ABCG1: variants seen among roughly 807,000 people sequenced by gnomAD.
The protein encoded by ABCG1 is ATP-binding cassette sub-family G member 1.
ABCG1 carries 29 observed loss-of-function variants against 69.2 expected under a neutral mutation model. The ratio of observed to expected loss-of-function variants is 0.42; its 90% CI spans 0.31 to 0.57. The LOEUF (loss-of-function observed/expected upper bound fraction) is 0.57, where lower values mean the gene tolerates loss of function less well. ABCG1 is among the 20% of genes least tolerant of loss of function. The pLI, the probability that ABCG1 is intolerant of heterozygous loss-of-function variation, is 0.15. For synonymous variants in ABCG1, 370 were observed against 374.8 expected (o/e 0.99, Z 0.15); for missense variants, 718 against 898.1 (o/e 0.80, Z 2.56).
chr21:42,265,597 G>A (rs2068489589), intron 2 of ABCG1, among the ~76,000 whole-genome samples: 1 of 152,192 alleles, frequency 6.6e-6, no homozygotes, highest in African/African-American at 2.4e-5. Context: ...CACGTTCAGG[G>A]GGAGCACGGC....
intron 2 of ABCG1, among the ~76,000 whole-genome samples, chr21:42,257,044 C>T (rs1482450695): frequency 1.3e-5 from 2 of 152,226 alleles, no homozygotes; most frequent in Non-Finnish European, 2.9e-5. Flanking sequence ...TGAGGCATTT[C>T]GAACACATTC....
chr21:42,260,305 C>A (rs9974993), intron 2 of ABCG1, among the ~76,000 whole-genome samples: 2,285 of 152,322 alleles, frequency 0.015, 31 homozygotes, highest in Middle Eastern at 0.034. Flanking sequence ...GGCCAGGGCT[C>A]CTCTCGAGGG....
At chr21:42,254,254 T>C (rs2068267349) in intron 2 of ABCG1, among the ~76,000 whole-genome samples, 1 of 152,234 alleles carries the variant, frequency 6.6e-6, no homozygotes, top group Non-Finnish European at 1.5e-5. Context: ...CAGCTTTGCC[T>C]GTCATCCAGT....
rs2068719402 is a variant in ABCG1 at position 42,276,783 on chromosome 21, GTGGCTAGCTGCATCT to G, written c.538-99_538-85del. Reference sequence around the variant, plus strand: ...TAGCTGCACCGTGGCTAGTGGCACTGTGGCTAGCTGCATCTTGGCTAGCTGCACCGTGGCCTGCAG... The same window carrying G: ...TAGCTGCACCGTGGCTAGTGGCACTGTGGCTAGCTGCACCGTGGCCTGCAG... On this transcript the variant is annotated intron_variant, in intron 4 of 14. Transcript: ENST00000398449. The surrounding 1 kb of genome is among the most constrained non-coding windows in gnomAD (Gnocchi z 5.3). 6.4e-6 allele frequency: 7 copies of G among 1,098,048 alleles called. No individual in the cohort carries two copies. The highest frequency in any genetic ancestry group is 2.9e-4 in the Middle Eastern group (1 of 3,462). 68.0% of individuals were successfully genotyped at this position (1,098,048 alleles called of 1,614,324 possible).
At chr21:42,243,796 A>G (rs1384833433) in intron 2 of ABCG1, among the ~76,000 whole-genome samples, 1 of 149,556 alleles carries the variant, frequency 6.7e-6, no homozygotes, top group African/African-American at 2.5e-5. Context: ...CTCTTCTGTA[A>G]GCCCTCTTTA....
intron 2 of ABCG1, among the ~76,000 whole-genome samples, chr21:42,254,300 G>A (rs2068268190): frequency 1.3e-5 from 2 of 152,166 alleles, no homozygotes; most frequent in Admixed American, 1.3e-4. Flanking sequence ...GAAATCCAGC[G>A]GCAGATTTTC....
At chr21:42,268,358 TA>T (rs777615565) in intron 2 of ABCG1, among the ~76,000 whole-genome samples, 7 of 122,762 alleles carry the variant, frequency 5.7e-5, no homozygotes, top group Non-Finnish European at 8.7e-5. Flanking sequence ...TAAATAGAGG[TA>T]GGGGTGTGTG....
At position 42,287,926 on chromosome 21, in the gene ABCG1, C is replaced by G; in HGVS notation, c.1011C>G (p.Asn337Lys). Reference protein sequence around the residue: ...EVASGEYGDQNSRLVRAVREG... With the variant: ...EVASGEYGDQKSRLVRAVREG... ...CATCCGGCGAGTACGGTGATCAGAA[C>G]AGTCGGCTGGTGAGAGCGGTTCGGG... The change falls in exon 9 of 15, where the codon AAC becomes AAG. Residue 337 changes from asparagine (N) to lysine (K), a missense_variant. Asn to Lys is a moderately conservative substitution (Grantham distance 94, BLOSUM62 0). Coordinates refer to ENST00000398449, the MANE Select transcript of ABCG1 (RefSeq NM_016818.3). The surrounding 1 kb of genome is among the most constrained non-coding windows in gnomAD (Gnocchi z 6.2). 6.2e-7 allele frequency: 1 copy of G among 1,610,838 alleles called. No homozygotes were observed. Among genetic ancestry groups the G allele is most frequent in the Non-Finnish European group, 8.5e-7 (1 of 1,177,950 alleles).
In ABCG1 at chr21:42,276,611, T is replaced by TGGCTAGC; in HGVS notation, c.538-281_538-280insTAGCGGC. 2.4e-6 allele frequency: 1 copy of TGGCTAGC among 420,022 alleles called. No individual in the cohort carries two copies. The highest frequency in any genetic ancestry group is 4.3e-6 in the Non-Finnish European group (1 of 232,332). The allele number at this position is 420,022 out of a possible 1,614,324, so 26.0% of individuals were successfully genotyped here. ...GATCAGCTAGCTGCACGGTGGCTAG[T>TGGCTAGC]GGCACCGTGGCTAGCTGCATGGTGG... On this transcript the variant is annotated intron_variant, in intron 4 of 14. Transcript: ENST00000398449. This position sits in a 1 kb window ranked among gnomAD's most constrained non-coding sequence, Gnocchi z 5.3.
upstream of ABCG1, among the ~76,000 whole-genome samples, chr21:42,216,981 G>A (rs1569203302): frequency 6.6e-6 from 1 of 152,170 alleles, no homozygotes; most frequent in Non-Finnish European, 1.5e-5. Flanking sequence ...TCCTGCAACA[G>A]AAAATCCAGC....
At chr21:42,220,391 C>T (rs1374119813) in intron 1 of ABCG1, among the ~76,000 whole-genome samples, 5 of 151,944 alleles carry the variant, frequency 3.3e-5, no homozygotes, top group African/African-American at 1.2e-4. Flanking sequence ...AGGATTTGAC[C>T]GACAGTTACC....
At position 42,294,618 on chromosome 21, in the gene ABCG1, T is replaced by A. The variant is rs2069167636; in HGVS notation, c.1730T>A (p.Ile577Asn). The change falls in exon 14 of 15, where the codon ATC becomes AAC. Residue 577 changes from isoleucine to asparagine, a missense_variant. By Grantham distance (149) the Ile-to-Asn change is moderately radical. Coordinates refer to ENST00000398449, the MANE Select transcript of ABCG1 (RefSeq NM_016818.3). ...GGGTTCTTCGTCAGCTTCGACACCA[T>A]CCCCACGTACCTACAGTGGATGTCC... is the stretch of plus-strand genomic sequence containing the variant. ...FSGFFVSFDT[I>N]PTYLQWMSYI... The A allele has an allele frequency of 1.9e-6, 3 of 1,613,930 alleles. No homozygotes were observed. Among genetic ancestry groups the A allele is most frequent in the Non-Finnish European group, 2.5e-6 (3 of 1,179,978 alleles).
Position 42,223,030 on chromosome 21 carries a change from A to G in ABCG1, c.43-2641A>G, listed in dbSNP as rs116893475. Among the ~76,000 whole-genome samples the G allele has an allele frequency of 8.0e-4, 122 of 152,204 alleles. 2 individuals carry two copies. Among genetic ancestry groups the G allele is most frequent in the Non-Finnish European group, 1.5e-3 (103 of 67,994 alleles). ...GTTATTCCCTCGGGGCTCCCCAAAG[A>G]TCTCTAGATAAAATGCAAAACCCGT... On this transcript the variant is annotated intron_variant, in intron 1 of 14. Coordinates refer to ENST00000398449, the MANE Select transcript of ABCG1 (RefSeq NM_016818.3).
chr21:42,231,417 A>C (rs2067899264), intron 2 of ABCG1, among the ~76,000 whole-genome samples: 1 of 152,178 alleles, frequency 6.6e-6, no homozygotes, highest in Non-Finnish European at 1.5e-5. Context: ...CTTGCCAAAA[A>C]CCAGGAAGGG....
At chr21:42,265,233 A>C (rs2068482596) in intron 2 of ABCG1, among the ~76,000 whole-genome samples, 1 of 152,226 alleles carries the variant, frequency 6.6e-6, no homozygotes, top group South Asian at 2.1e-4. Context: ...CATCCAGTGC[A>C]GCAGCCCCGG....
At position 42,276,883 on chromosome 21, in the gene ABCG1, T is replaced by C; in HGVS notation, c.538-12T>C. 1 of 1,614,100 alleles carries C rather than the reference T, an allele frequency of 6.2e-7. No homozygotes were observed. The highest frequency in any genetic ancestry group is 8.5e-7 in the Non-Finnish European group (1 of 1,179,972). On this transcript the variant is annotated splice_polypyrimidine_tract_variant and intron_variant, in intron 4 of 14. Transcript: ENST00000398449. The surrounding 1 kb of genome is among the most constrained non-coding windows in gnomAD (Gnocchi z 5.3). The stretch of plus-strand genomic sequence containing the variant: ...TGTTCTGCTTCCACACTGTTGTCCT[T>C]GTCCCCTGCAGGTGTCGGCACATCT...
At chr21:42,232,846 G>T (rs2067920580) in intron 2 of ABCG1, among the ~76,000 whole-genome samples, 1 of 152,224 alleles carries the variant, frequency 6.6e-6, no homozygotes, top group Non-Finnish European at 1.5e-5. Context: ...GAAGAAAAAT[G>T]TTTAGTAACC....
chr21:42,223,941 C>A (rs994115486), intron 1 of ABCG1, among the ~76,000 whole-genome samples: 5 of 152,114 alleles, frequency 3.3e-5, no homozygotes, highest in African/African-American at 1.2e-4. Context: ...GCAGATGTTG[C>A]GTGGCAGCTG....
upstream of ABCG1, among the ~76,000 whole-genome samples, chr21:42,212,461 A>G (rs1441932890): frequency 6.6e-6 from 1 of 152,106 alleles, no homozygotes; most frequent in Non-Finnish European, 1.5e-5. Context: ...CACTCTGTTG[A>G]GGTGTCAGAC....
Sources: allele counts gnomAD v4.1 joint callset (sites outside exome capture counted in the v4.1 genomes callset), GRCh38; gene constraint gnomAD v4.1.1; non-coding constraint Gnocchi (gnomAD v3.1); transcripts MANE v1.5; gene names NCBI Gene and HGNC (gene_info 2026-07-23, HGNC 2026-07-21).